The following SLC25A29 variants were observed in gnomAD, a reference collection of about 807,000 sequenced individuals.
SLC25A29 encodes mitochondrial basic amino acids transporter.
In SLC25A29, 13 loss-of-function variants were observed where a neutral mutation model predicts 10.0. The ratio of observed to expected loss-of-function variants is 1.30; its 90% CI spans 0.85 to 2.07. SLC25A29 has a LOEUF of 2.07. SLC25A29 is among the 30% of genes most tolerant of loss of function. SLC25A29 has a pLI of 0.00. For missense variants in SLC25A29, 475 were observed against 447.6 expected, an observed-to-expected ratio of 1.06 and a Z score of -0.55; for synonymous variants, 244 against 221.1, an observed-to-expected ratio of 1.10 and a Z score of -0.92.
At chr14:100,300,041 T>C (rs1595367182) in intron 1 of SLC25A29, 1 of 838,684 alleles carries the variant, frequency 1.2e-6, no homozygotes, top group Non-Finnish European at 1.4e-6. Context: ...GAGGCCAAGG[T>C]GGGCAGATCA....
chr14:100,279,744 G>C, the SLC25A29 span: 1 of 152,530 alleles, frequency 6.6e-6, no homozygotes, highest in African/African-American at 2.4e-5. Flanking sequence ...CAGCGTGGCT[G>C]TGTTAGGAGT....
At chr14:100,294,191 C>T (rs1287511256) in intron 2 of SLC25A29, 1 of 152,250 alleles carries the variant, frequency 6.6e-6, no homozygotes, top group African/African-American at 2.4e-5. Flanking sequence ...CTCGTGAGAA[C>T]AGCAGTTATG....
intron 1 of SLC25A29, among the ~76,000 whole-genome samples, chr14:100,304,016 A>G (rs1307569244): frequency 6.6e-6 from 1 of 152,144 alleles, no homozygotes; most frequent in Admixed American, 6.5e-5. Context: ...ACCTTCCACC[A>G]TGCAAGGCCT....
intron 1 of SLC25A29, chr14:100,299,164 G>T: frequency 7.5e-7 from 1 of 1,332,618 alleles, no homozygotes; most frequent in Non-Finnish European, 9.6e-7. Context: ...CGGCTGACTG[G>T]TCTGGGTGGC....
At chr14:100,304,080 C>A (rs1173641331) in intron 1 of SLC25A29, among the ~76,000 whole-genome samples, 1 of 152,164 alleles carries the variant, frequency 6.6e-6, no homozygotes, top group East Asian at 1.9e-4. Context: ...AGTTAAAACA[C>A]GTGACCCACA....
chr14:100,296,461 C>A, intron 2 of SLC25A29: 1 of 174,822 alleles, frequency 5.7e-6, no homozygotes, highest in Non-Finnish European at 1.2e-5. Flanking sequence ...CCAGTGGAAG[C>A]CTCAGAAGGG....
chr14:100,294,941 C>CAGGGTGAGG (rs1892036378), intron 2 of SLC25A29: 1 of 152,254 alleles, frequency 6.6e-6, no homozygotes, highest in Admixed American at 6.5e-5. Flanking sequence ...TGCTGCTCTC[C>CAGGGTGAGG]CTTCAATGTT....
intron 1 of SLC25A29, chr14:100,304,981 G>A (rs978184491): frequency 1.3e-5 from 2 of 152,256 alleles, no homozygotes; most frequent in Non-Finnish European, 2.9e-5. Flanking sequence ...AGCAAACAGC[G>A]AGATCAGAAG....
At chr14:100,284,942 G>A in the SLC25A29 span, among the ~76,000 whole-genome samples, 5 of 152,104 alleles carry the variant, frequency 3.3e-5, no homozygotes, top group East Asian at 5.8e-4. Flanking sequence ...GGGAGGCTGA[G>A]GCAGGAGAAT....
At chr14:100,294,610 C>T (rs1004469867) in intron 2 of SLC25A29, 2 of 152,166 alleles carry the variant, frequency 1.3e-5, no homozygotes, top group Admixed American at 6.5e-5. Flanking sequence ...TGTTTAACAA[C>T]TTGGCCAAAG....
At chr14:100,293,643 CTT>C (rs1293479750) in intron 2 of SLC25A29, 14 of 485,372 alleles carry the variant, frequency 2.9e-5, no homozygotes, top group Non-Finnish European at 4.9e-5. Flanking sequence ...GGTTAAGCCT[CTT>C]GTTTACACTA....
At chr14:100,286,021 C>G in the SLC25A29 span, among the ~76,000 whole-genome samples, 1 of 152,148 alleles carries the variant, frequency 6.6e-6, no homozygotes, top group African/African-American at 2.4e-5. Context: ...TACCATCACC[C>G]TGCCTGTAGG....
At chr14:100,287,628 A>ACC (rs1171229559), downstream of SLC25A29, among the ~76,000 whole-genome samples, 554 of 62,052 alleles carry the variant, frequency 8.9e-3, 30 homozygotes, top group African/African-American at 0.011. Context: ...CTGGAGCACC[A>ACC]CCCCCCCCCT....
chr14:100,286,253 T>C (rs186031362), downstream of SLC25A29, among the ~76,000 whole-genome samples: 2 of 152,170 alleles, frequency 1.3e-5, no homozygotes, highest in Admixed American at 6.5e-5. Flanking sequence ...CTGGCCCTCA[T>C]GGAGCTAAGG....
chr14:100,292,418 G>A lies in SLC25A29; in HGVS notation c.777C>T (p.Phe259=). 1 of 1,577,776 alleles carries A rather than the reference G, an allele frequency of 6.3e-7. No individual in the cohort carries two copies. Among genetic ancestry groups the A allele is most frequent in the Non-Finnish European group, 8.6e-7 (1 of 1,164,578 alleles). Residue 259 remains phenylalanine, a synonymous_variant, in exon 4 of 4, where the codon TTC becomes TTT. Transcript: ENST00000359232. ...TGGCGAAGGTGGCAGCGTTGACGGG[G>A]AAGGCGCGCAGCAGCGTGGACGCCA... The part of the protein sequence containing the change: ...RGLASTLLRA[F]PVNAATFATV...
chr14:100,298,655 C>T, intron 2 of SLC25A29, 187 bp downstream of exon 2: 1 of 737,106 alleles, frequency 1.4e-6, no homozygotes. Context: ...GGCCATGAAC[C>T]CAGCATGTGG....
At chr14:100,286,094 C>G in the SLC25A29 span, among the ~76,000 whole-genome samples, 1 of 152,146 alleles carries the variant, frequency 6.6e-6, no homozygotes, top group African/African-American at 2.4e-5. Flanking sequence ...CCCTCTGCCC[C>G]CAAGCGTGTT....
rs759833730 is a variant in SLC25A29 at position 100,292,417 on chromosome 14, G to A, written c.778C>T (p.Pro260Ser). Reference protein sequence around the residue: ...GLASTLLRAFPVNAATFATVT... With the variant: ...GLASTLLRAFSVNAATFATVT... The stretch of plus-strand genomic sequence containing the variant: ...GTGGCGAAGGTGGCAGCGTTGACGG[G>A]GAAGGCGCGCAGCAGCGTGGACGCC... Residue 260 changes from proline to serine, a missense_variant, in exon 4 of 4, where the codon CCC (proline) becomes TCC (serine). Transcript: ENST00000359232. 8.9e-6 allele frequency: 14 copies of A among 1,577,800 alleles called. No homozygotes were observed. The East Asian group carries it at 2.8e-4, about 31-fold the overall frequency.
intron 2 of SLC25A29, chr14:100,295,800 GC>G: frequency 2.3e-6 from 3 of 1,289,556 alleles, no homozygotes; most frequent in Non-Finnish European, 3.0e-6. Flanking sequence ...CCCATCCCAT[GC>G]CCAGGGATGG....
Sources: gnomAD v4.1 joint callset for allele counts (sites outside exome capture counted in the v4.1 genomes callset) on GRCh38, gnomAD v4.1.1 for gene constraint, MANE v1.5 for transcripts, NCBI Gene and HGNC (gene_info 2026-07-23, HGNC 2026-07-21) for gene names.